The following SOCS5 variants were observed in gnomAD, a reference collection of about 807,000 sequenced individuals.
SOCS5 encodes CIS-6.
Under a neutral mutation model 42.8 loss-of-function variants are expected in SOCS5, and 32 were observed. The observed-to-expected ratio is 0.75, with a 90% CI of 0.56 to 1.01. The LOEUF (loss-of-function observed/expected upper bound fraction) is 1.01. Among genes scored for constraint, SOCS5 ranks in the 50% least tolerant of loss-of-function variants. SOCS5 has a pLI of 0.00. For synonymous variants in SOCS5, 283 were observed against 229.6 expected (o/e 1.23, Z -2.10); for missense variants, 627 against 653.0 (o/e 0.96, Z 0.43).
At chr2:46,741,319 A>G (rs1482977600) in intron 1 of SOCS5, among the ~76,000 whole-genome samples, 2 of 152,074 alleles carry the variant, frequency 1.3e-5, no homozygotes, top group Non-Finnish European at 2.9e-5. Context: ...AGCTCGCTGC[A>G]ACCTCCACCT....
At chr2:46,741,274 C>G (rs72802448) in intron 1 of SOCS5, among the ~76,000 whole-genome samples, 7,337 of 152,264 alleles carry the variant, frequency 0.048, 257 homozygotes, top group Non-Finnish European at 0.08. Context: ...GAGTCTCGCT[C>G]TACCACTCAG....
At chr2:46,711,548 T>A (rs1284680018) in intron 1 of SOCS5, among the ~76,000 whole-genome samples, 1 of 152,230 alleles carries the variant, frequency 6.6e-6, no homozygotes, top group Admixed American at 6.5e-5. Flanking sequence ...TGTTAGAGAT[T>A]TTTCTTCCAG....
chr2:46,762,856 C>T lies in SOCS5; in HGVS notation c.*2715C>T, dbSNP rs987819077. 3 of 166,228 alleles carry T rather than the reference C, an allele frequency of 1.8e-5. No homozygotes were observed. The Admixed American group carries it at 2.0e-4, about 11-fold the overall frequency. The allele number at this position is 166,228 out of a possible 1,614,324, so 10.3% of individuals were successfully genotyped here. A position where few individuals can be genotyped will look rare whatever the true frequency, so the allele number is the denominator to read the frequency against. On this transcript the variant is annotated 3_prime_UTR_variant, in exon 2 of 2. Coordinates refer to ENST00000394861, the MANE Select transcript of SOCS5 (RefSeq NM_144949.3). ...GCTTTGATTTGTACCCATTCTCATT[C>T]ATTTTCTTCATTCCCTTACACACAC... is the stretch of plus-strand genomic sequence containing the variant.
At chr2:46,739,468 A>T (rs1014826143) in intron 1 of SOCS5, among the ~76,000 whole-genome samples, 5 of 152,172 alleles carry the variant, frequency 3.3e-5, no homozygotes, top group African/African-American at 9.7e-5. Context: ...CTTTTTGGTT[A>T]TTCTCCTTTT....
chr2:46,752,258 G>C (rs1673639213), intron 1 of SOCS5, among the ~76,000 whole-genome samples: 1 of 151,368 alleles, frequency 6.6e-6, no homozygotes, highest in Non-Finnish European at 1.5e-5. Flanking sequence ...ATTCAGCCCT[G>C]TTGTGAACTG....
At position 46,759,705 on chromosome 2, in the gene SOCS5, A is replaced by C; in HGVS notation, c.1175A>C (p.Glu392Ala). 1 of 1,614,126 alleles carries C rather than the reference A, an allele frequency of 6.2e-7. No individual in the cohort carries two copies. The highest frequency in any genetic ancestry group is 8.5e-7 in the Non-Finnish European group (1 of 1,179,996). ...GGAGTGATGGACCGTTATGAAGCAG[A>C]AGCCCTTCTCGAAGGGAAACCTGAA... ...YWGVMDRYEA[E>A]ALLEGKPEGT... The change falls in exon 2 of 2, where the codon GAA becomes GCA. Residue 392 changes from glutamate to alanine, a missense_variant. Coordinates refer to ENST00000394861, the MANE Select transcript of SOCS5 (RefSeq NM_144949.3).
At chr2:46,737,179 T>C (rs1673272383) in intron 1 of SOCS5, among the ~76,000 whole-genome samples, 1 of 152,170 alleles carries the variant, frequency 6.6e-6, no homozygotes, top group Non-Finnish European at 1.5e-5. Flanking sequence ...TAAAAGTAGA[T>C]CCAAGAGTGG....
chr2:46,726,132 T>C, intron 1 of SOCS5, among the ~76,000 whole-genome samples: 1 of 152,218 alleles, frequency 6.6e-6, no homozygotes, highest in East Asian at 1.9e-4. Context: ...AGTCTCGCTC[T>C]GTCGCCCAGG....
At position 46,758,860 on chromosome 2, in the gene SOCS5, A is replaced by G. The variant is rs771388453; in HGVS notation, c.330A>G (p.Arg110=). The G allele has an allele frequency of 1.2e-6, 2 of 1,614,072 alleles. No individual in the cohort carries two copies. The highest frequency in any genetic ancestry group is 4.5e-5 in the East Asian group (2 of 44,884). The change falls in exon 2 of 2, where the codon CGA becomes CGG. Residue 110 remains arginine (R), a synonymous_variant. Transcript: ENST00000394861. ...SCVTPGTRLA[R]RDSYSRHAPW... ...TTACCCCAGGAACAAGACTTGCACGAAGAGATTCCTACTCTCGACATGCTC... is the reference window on the plus strand; with the variant it reads ...TTACCCCAGGAACAAGACTTGCACGGAGAGATTCCTACTCTCGACATGCTC...
At chr2:46,734,227 A>C (rs895435857) in intron 1 of SOCS5, among the ~76,000 whole-genome samples, 1 of 152,212 alleles carries the variant, frequency 6.6e-6, no homozygotes, top group African/African-American at 2.4e-5. Flanking sequence ...TTACAAAAAT[A>C]TTATACAGTC....
chr2:46,710,534 A>G (rs1672595485), intron 1 of SOCS5, among the ~76,000 whole-genome samples: 1 of 152,236 alleles, frequency 6.6e-6, no homozygotes, highest in South Asian at 2.1e-4. Flanking sequence ...TACACCAAAT[A>G]TCTTTAATAA....
At chr2:46,719,053 G>A (rs1672820621) in intron 1 of SOCS5, among the ~76,000 whole-genome samples, 1 of 152,144 alleles carries the variant, frequency 6.6e-6, no homozygotes, top group Non-Finnish European at 1.5e-5. Flanking sequence ...TTATGCTATA[G>A]TTGTGTAACC....
In SOCS5 at chr2:46,758,994, G is replaced by A. The variant is rs760457146; in HGVS notation, c.464G>A (p.Arg155His). The A allele has an allele frequency of 1.1e-5, 18 of 1,613,828 alleles. No homozygotes were observed. The highest frequency in any genetic ancestry group is 2.2e-5 in the East Asian group (1 of 44,902). Residue 155 changes from arginine to histidine, a missense_variant, in exon 2 of 2, where the codon CGC (arginine) becomes CAC (histidine). Transcript: ENST00000394861. ...TRSGLQRRER[R>H]YGVSSVHDMD... Reference sequence around the variant, plus strand: ...AGTGGACTTCAAAGGAGAGAGAGGCGCTACGGCGTAAGTTCTGTACACGAC... The same window carrying A: ...AGTGGACTTCAAAGGAGAGAGAGGCACTACGGCGTAAGTTCTGTACACGAC...
chr2:46,754,295 T>G (rs1673686372), intron 1 of SOCS5, among the ~76,000 whole-genome samples: 1 of 152,218 alleles, frequency 6.6e-6, no homozygotes, highest in Non-Finnish European at 1.5e-5. Flanking sequence ...TCAGATGAAT[T>G]CTTAGCTTAA....
At chr2:46,756,639 C>A (rs1673737012) in intron 1 of SOCS5, among the ~76,000 whole-genome samples, 1 of 152,000 alleles carries the variant, frequency 6.6e-6, no homozygotes, top group African/African-American at 2.4e-5. Context: ...TGACATTTGA[C>A]CTTGAAACTA....
chr2:46,709,613 G>A (rs1021209861), intron 1 of SOCS5, among the ~76,000 whole-genome samples: 2 of 152,204 alleles, frequency 1.3e-5, no homozygotes, highest in Non-Finnish European at 2.9e-5. Flanking sequence ...GCAGCAGGGG[G>A]AAGTGAAGGA....
At chr2:46,718,839 G>A (rs1265239324) in intron 1 of SOCS5, among the ~76,000 whole-genome samples, 2 of 152,162 alleles carry the variant, frequency 1.3e-5, no homozygotes, top group African/African-American at 4.8e-5. Flanking sequence ...CAAATATCTT[G>A]CTGGTAGGAA....
At chr2:46,712,419 C>A (rs968475877) in intron 1 of SOCS5, among the ~76,000 whole-genome samples, 7 of 142,366 alleles carry the variant, frequency 4.9e-5, no homozygotes, top group African/African-American at 5.2e-5. Flanking sequence ...TCTTGGCTCA[C>A]TGCAACCCCC....
intron 1 of SOCS5, among the ~76,000 whole-genome samples, chr2:46,733,846 T>A (rs1303649262): frequency 1.3e-5 from 2 of 152,196 alleles, no homozygotes; most frequent in African/African-American, 2.4e-5. Context: ...AAGATACTAA[T>A]GACACACCAA....
Sources: allele counts gnomAD v4.1 joint callset (sites outside exome capture counted in the v4.1 genomes callset), GRCh38; gene constraint gnomAD v4.1.1; transcripts MANE v1.5; gene names NCBI Gene and HGNC (gene_info 2026-07-23, HGNC 2026-07-21).